NKAIN3: variants seen among roughly 807,000 people sequenced by gnomAD.
NKAIN3 encodes the protein sodium/potassium-transporting ATPase subunit beta-1-interacting protein 3.
In NKAIN3, 25 loss-of-function variants were observed where a neutral mutation model predicts 30.2. That is an observed-to-expected ratio of 0.83 (90% CI 0.60 to 1.16). The LOEUF is 1.16. Ranked by LOEUF, NKAIN3 falls within the 50% of genes most tolerant of loss-of-function variation. The pLI is 0.00. For missense variants in NKAIN3, 225 were observed against 254.1 expected (o/e 0.89, Z 0.78); for synonymous variants, 91 against 89.6 (o/e 1.02, Z -0.09).
intron 3 of NKAIN3, among the ~76,000 whole-genome samples, chr8:62,693,118 C>G (rs1436896733): frequency 6.6e-6 from 1 of 152,164 alleles, no homozygotes; most frequent in African/African-American, 2.4e-5. Flanking sequence ...TTATCAGTAT[C>G]TGAATGCTCT....
chr8:62,802,563 T>G (rs557983596), intron 4 of NKAIN3, among the ~76,000 whole-genome samples: 1 of 152,042 alleles, frequency 6.6e-6, no homozygotes, highest in Non-Finnish European at 1.5e-5. Flanking sequence ...CAAGCAAATG[T>G]GGAGAGATTT....
intron 1 of NKAIN3, among the ~76,000 whole-genome samples, chr8:62,374,995 T>G (rs889610828): frequency 4.6e-5 from 7 of 152,246 alleles, no homozygotes; most frequent in African/African-American, 1.4e-4. Flanking sequence ...TATTTCATTT[T>G]CAGGACTTCT....
chr8:62,667,122 G>A (rs374638539), intron 3 of NKAIN3, among the ~76,000 whole-genome samples: 1 of 135,584 alleles, frequency 7.4e-6, no homozygotes, highest in African/African-American at 2.8e-5. Flanking sequence ...CACAGGAAGG[G>A]GAACATCACA....
intron 3 of NKAIN3, among the ~76,000 whole-genome samples, chr8:62,647,297 A>G (rs1812491805): frequency 6.6e-6 from 1 of 152,118 alleles, no homozygotes; most frequent in Admixed American, 6.5e-5. Context: ...ATGTTCTGGG[A>G]CTCCATGCAG....
At chr8:62,480,636 G>A (rs927072382) in intron 1 of NKAIN3, among the ~76,000 whole-genome samples, 24 of 151,724 alleles carry the variant, frequency 1.6e-4, no homozygotes, top group Admixed American at 1.5e-3. Flanking sequence ...CCTAGGAGAC[G>A]GAAGCTTCAG....
intron 1 of NKAIN3, among the ~76,000 whole-genome samples, chr8:62,406,573 T>C (rs951784158): frequency 6.6e-6 from 1 of 152,194 alleles, no homozygotes; most frequent in African/African-American, 2.4e-5. Context: ...GCTTTATCAC[T>C]GGACCTGAGA....
Position 62,765,072 on chromosome 8 carries a change from G to A in NKAIN3, c.471+17943G>A, listed in dbSNP as rs115003199. Among the ~76,000 whole-genome samples, 281 of 151,810 alleles carry A rather than the reference G, an allele frequency of 1.9e-3. 1 individual carries two copies. Among genetic ancestry groups the A allele is most frequent in the African/African-American group, 6.3e-3 (262 of 41,402 alleles). On this transcript the variant is annotated intron_variant, in intron 4 of 6. Transcript: ENST00000623646. ...AGTCTGGCCAATATAGTGAAACCTC[G>A]TCTGTACTAAAGATACCAAACAAAA...
rs141456219 is a variant in NKAIN3, at chr8:62,315,028, G to C, written c.54+65901G>C. On this transcript the variant is annotated intron_variant, in intron 1 of 6. Transcript: ENST00000623646. ...GACTTTACTGGGGATATAATAGCCT[G>C]ATGTTTGGTATAAATAGATTGCAAA... Among the ~76,000 whole-genome samples the C allele has an allele frequency of 3.9e-5, 6 of 152,270 alleles. 1 individual carries two copies. In the East Asian group the frequency reaches 1.2e-3, roughly 29 times the overall value.
chr8:62,764,206 C>A (rs533070272), intron 4 of NKAIN3, among the ~76,000 whole-genome samples: 1 of 152,328 alleles, frequency 6.6e-6, no homozygotes, highest in East Asian at 1.9e-4. Flanking sequence ...GCTCTGTCAG[C>A]TACCCTGTAC....
intron 1 of NKAIN3, among the ~76,000 whole-genome samples, chr8:62,267,143 C>G (rs895769900): frequency 1.3e-5 from 2 of 152,242 alleles, no homozygotes; most frequent in African/African-American, 2.4e-5. Context: ...TGCATGATAT[C>G]ATATTACTTT....
intron 3 of NKAIN3, among the ~76,000 whole-genome samples, chr8:62,660,059 TG>T (rs1812895438): frequency 6.6e-6 from 1 of 152,148 alleles, no homozygotes; most frequent in African/African-American, 2.4e-5. Context: ...CTAATATACT[TG>T]GTGAATGCCT....
chr8:62,382,685 G>C (rs1010247696), intron 1 of NKAIN3, among the ~76,000 whole-genome samples: 1 of 152,046 alleles, frequency 6.6e-6, no homozygotes, highest in Non-Finnish European at 1.5e-5. Context: ...CTTCTTCTAT[G>C]TCTTCTTCCT....
intron 4 of NKAIN3, among the ~76,000 whole-genome samples, chr8:62,754,801 C>T (rs1253201554): frequency 6.6e-6 from 1 of 152,060 alleles, no homozygotes; most frequent in African/African-American, 2.4e-5. Flanking sequence ...CTTTGTTCTC[C>T]AAAGGCTGTA....
chr8:62,414,227 C>T (rs998208947), intron 1 of NKAIN3, among the ~76,000 whole-genome samples: 2 of 152,052 alleles, frequency 1.3e-5, no homozygotes, highest in Non-Finnish European at 2.9e-5. Context: ...TTATTTTAAG[C>T]TGTATAATAA....
At chr8:62,841,075 G>A (rs568663014) in intron 4 of NKAIN3, among the ~76,000 whole-genome samples, 2 of 152,090 alleles carry the variant, frequency 1.3e-5, no homozygotes, top group South Asian at 4.2e-4. Flanking sequence ...CTGTTAATAT[G>A]TTATCTTACA....
At chr8:62,640,430 TC>T (rs954924582) in intron 3 of NKAIN3, among the ~76,000 whole-genome samples, 3 of 152,058 alleles carry the variant, frequency 2.0e-5, no homozygotes, top group Non-Finnish European at 2.9e-5. Flanking sequence ...TCCTGAGGCC[TC>T]CCCAGGCATG....
intron 3 of NKAIN3, among the ~76,000 whole-genome samples, chr8:62,708,642 A>C (rs966547238): frequency 3.9e-5 from 6 of 152,128 alleles, no homozygotes; most frequent in African/African-American, 1.2e-4. Flanking sequence ...AGGGTTTTCA[A>C]GGTAAATGAT....
At chr8:62,864,213 G>A in intron 4 of NKAIN3, 1 of 689,338 alleles carries the variant, frequency 1.5e-6, no homozygotes, top group Non-Finnish European at 2.5e-6. Context: ...CGAATACTGC[G>A]CAGAAGTGAA....
rs1005051481 is a variant in NKAIN3, at chr8:62,978,154, C to T, written c.*12747C>T. The T allele has an allele frequency of 6.5e-5, 10 of 154,276 alleles. No homozygotes were observed. In the South Asian group the frequency reaches 1.8e-3, roughly 28 times the overall value. 9.6% of individuals were successfully genotyped at this position (154,276 alleles called of 1,614,324 possible). A position where few individuals can be genotyped will look rare whatever the true frequency, so the allele number is the denominator to read the frequency against. On this transcript the variant is annotated 3_prime_UTR_variant, in exon 7 of 7. Coordinates refer to ENST00000623646, the MANE Select transcript of NKAIN3 (RefSeq NM_001304533.3). ...CTCCTGTATGAAGTGTCTGTCGACC[C>T]CTGTTGGGAGATGTCTCCCCATCAG...
Sources: gnomAD v4.1 joint callset for allele counts (sites outside exome capture counted in the v4.1 genomes callset) on GRCh38, gnomAD v4.1.1 for gene constraint, MANE v1.5 for transcripts, NCBI Gene and HGNC (gene_info 2026-07-23, HGNC 2026-07-21) for gene names.